DLG5: variants seen among roughly 807,000 people sequenced by gnomAD.
DLG5 encodes the protein disks large homolog 5.
In DLG5, 48 loss-of-function variants were observed where a neutral mutation model predicts 189.8. The ratio of observed to expected loss-of-function variants is 0.25; its 90% CI spans 0.20 to 0.32. The LOEUF (loss-of-function observed/expected upper bound fraction) is 0.32. Among genes scored for constraint, DLG5 ranks in the 10% least tolerant of loss-of-function variants. DLG5 has a pLI of 1.00. For missense variants in DLG5, 2,160 were observed against 2,544.7 expected, an observed-to-expected ratio of 0.85 and a Z score of 3.25; for synonymous variants, 1,016 against 1,054.1, an observed-to-expected ratio of 0.96 and a Z score of 0.70.
rs1326564314 is a variant in DLG5 at position 77,828,988 on chromosome 10, G to A, written c.2186-3C>T. On this transcript the variant is annotated splice_region_variant and splice_polypyrimidine_tract_variant and intron_variant, in intron 12 of 31. Coordinates refer to ENST00000372391, the MANE Select transcript of DLG5 (RefSeq NM_004747.4). ...ATTCTCCAGACTGATGCCACTGTCT[G>A]CAAGCCACAGGAGGTCACTGGGTAG... is the stretch of plus-strand genomic sequence containing the variant. The A allele has an allele frequency of 1.2e-6, 2 of 1,613,098 alleles. No individual in the cohort carries two copies. The highest frequency in any genetic ancestry group is 2.7e-5 in the African/African-American group (2 of 74,924).
At chr10:77,818,292 G>A (rs1842166084) in intron 17 of DLG5, among the ~76,000 whole-genome samples, 1 of 152,184 alleles carries the variant, frequency 6.6e-6, no homozygotes, top group South Asian at 2.1e-4. Flanking sequence ...GCCTCACTCG[G>A]GACAGCGTGC....
chr10:77,904,412 T>C (rs1417089005), intron 1 of DLG5, among the ~76,000 whole-genome samples: 1 of 152,038 alleles, frequency 6.6e-6, no homozygotes, highest in Non-Finnish European at 1.5e-5. Context: ...TGGGAGGGCA[T>C]GATTGGTTTT....
intron 1 of DLG5, among the ~76,000 whole-genome samples, chr10:77,890,593 G>C (rs2004382): frequency 0.27 from 41,824 of 152,106 alleles, 6,407 homozygotes; most frequent in Non-Finnish European, 0.35. Context: ...GAGGCATGCA[G>C]ATCACCTGAG....
At chr10:77,939,342 A>G in the DLG5 span, among the ~76,000 whole-genome samples, 1 of 152,160 alleles carries the variant, frequency 6.6e-6, no homozygotes, top group Non-Finnish European at 1.5e-5. Context: ...CCATGGGCCC[A>G]ATCAGACTCT....
At chr10:77,939,344 T>A in the DLG5 span, among the ~76,000 whole-genome samples, 1 of 152,000 alleles carries the variant, frequency 6.6e-6, no homozygotes, top group Admixed American at 6.5e-5. Context: ...ATGGGCCCAA[T>A]CAGACTCTTG....
At chr10:77,858,235 A>G (rs1347474211) in intron 2 of DLG5, among the ~76,000 whole-genome samples, 3 of 152,234 alleles carry the variant, frequency 2.0e-5, no homozygotes, top group Non-Finnish European at 4.4e-5. Context: ...GTTTCAGTCA[A>G]TGATGGTGGA....
intron 1 of DLG5, among the ~76,000 whole-genome samples, chr10:77,895,152 C>T (rs995929168): frequency 1.3e-5 from 2 of 152,192 alleles, no homozygotes; most frequent in Admixed American, 6.5e-5. Flanking sequence ...AGGCTCACAG[C>T]AGGCACTCAG....
chr10:77,813,599 T>C (rs1841890583), intron 20 of DLG5, among the ~76,000 whole-genome samples: 1 of 152,128 alleles, frequency 6.6e-6, no homozygotes, highest in Non-Finnish European at 1.5e-5. Context: ...TGTTGAGAGC[T>C]GCAGAGCCCT....
intron 2 of DLG5, among the ~76,000 whole-genome samples, chr10:77,861,744 TCC>T (rs1458537136): frequency 1.3e-5 from 2 of 152,180 alleles, no homozygotes; most frequent in African/African-American, 4.8e-5. Flanking sequence ...AAAATGGGAT[TCC>T]CATGCACACT....
rs1840950720 is a variant in DLG5 at position 77,796,864 on chromosome 10, G to A, written c.5165-270C>T. Reference sequence around the variant, plus strand: ...TCCTTCTGCTCTGATTTTTCCTCGTGGGTCGACGCCTGCTTCCCCTGCCCC... The same window carrying A: ...TCCTTCTGCTCTGATTTTTCCTCGTAGGTCGACGCCTGCTTCCCCTGCCCC... On this transcript the variant is annotated intron_variant, in intron 27 of 31. Coordinates refer to ENST00000372391, the MANE Select transcript of DLG5 (RefSeq NM_004747.4). This position sits in a 1 kb window ranked among gnomAD's most constrained non-coding sequence, Gnocchi z 5.2. Among the ~76,000 whole-genome samples, 1 of 152,114 alleles carries A rather than the reference G, an allele frequency of 6.6e-6. No individual in the cohort carries two copies. Among genetic ancestry groups the A allele is most frequent in the African/African-American group, 2.4e-5 (1 of 41,402 alleles).
Position 77,908,366 on chromosome 10 carries a change from G to C in DLG5, c.304+17851C>G, listed in dbSNP as rs1846125685. On this transcript the variant is annotated intron_variant, in intron 1 of 31. Transcript: ENST00000372391. ...TCACCTACCCACCTGCGGCCACCGG[G>C]TCCTCCTTCACACATCACAGACCAC... Among the ~76,000 whole-genome samples, 9 of 152,148 alleles carry C rather than the reference G, an allele frequency of 5.9e-5. No individual in the cohort carries two copies. The South Asian group carries it at 1.9e-3, about 32-fold the overall frequency.
intron 27 of DLG5, among the ~76,000 whole-genome samples, chr10:77,804,976 T>G (rs1048132830): frequency 6.6e-6 from 1 of 152,172 alleles, no homozygotes; most frequent in African/African-American, 2.4e-5. Flanking sequence ...CCTTTTCTTT[T>G]TAATTATTTT....
intron 1 of DLG5, among the ~76,000 whole-genome samples, chr10:77,884,997 G>A (rs1021648961): frequency 3.9e-5 from 6 of 152,134 alleles, no homozygotes; most frequent in African/African-American, 1.2e-4. Flanking sequence ...GGTATCCAAC[G>A]CTCACCTTTG....
In DLG5 at chr10:77,842,505, C is replaced by A. The variant is rs537838619; in HGVS notation, c.1125-312G>T. 1.9e-4 allele frequency among the ~76,000 whole-genome samples: 29 copies of A among 152,296 alleles called. 1 individual carries two copies. In the South Asian group the frequency reaches 5.8e-3, roughly 31 times the overall value. On this transcript the variant is annotated intron_variant, in intron 6 of 31. Transcript: ENST00000372391. Reference sequence around the variant, plus strand: ...ATTTTTTAAAATAATAAAAACAAAACAATGCCAGGATAACAGCATAAAGAG... The same window carrying A: ...ATTTTTTAAAATAATAAAAACAAAAAAATGCCAGGATAACAGCATAAAGAG...
chr10:77,921,529 T>C (rs895276216), intron 1 of DLG5, among the ~76,000 whole-genome samples: 7 of 152,232 alleles, frequency 4.6e-5, no homozygotes, highest in African/African-American at 1.7e-4. Context: ...ATTAAGGTCC[T>C]CCAGATTACC....
intron 1 of DLG5, among the ~76,000 whole-genome samples, chr10:77,915,825 G>A (rs187907219): frequency 2.6e-5 from 4 of 152,266 alleles, no homozygotes; most frequent in East Asian, 1.9e-4. Context: ...CAAAAATAAC[G>A]AACATGCTTC....
At chr10:77,833,296 T>C (rs1258493303) in intron 9 of DLG5, among the ~76,000 whole-genome samples, 1 of 151,842 alleles carries the variant, frequency 6.6e-6, no homozygotes, top group Non-Finnish European at 1.5e-5. Context: ...CAAATGGACG[T>C]CCAAATAACA....
intron 31 of DLG5, chr10:77,793,395 T>A (rs1840738430): frequency 6.5e-6 from 1 of 153,490 alleles, no homozygotes; most frequent in Non-Finnish European, 1.4e-5. Context: ...CCCTGTCCCA[T>A]CCTCTGTGAC....
intron 22 of DLG5, 23 bp downstream of exon 22, chr10:77,811,901 G>A (rs751911069): frequency 1.6e-5 from 26 of 1,592,418 alleles, no homozygotes; most frequent in South Asian, 7.7e-5. Flanking sequence ...CAGCCCAGAC[G>A]GCCCTGGGAG....
Sources: gnomAD v4.1 joint callset for allele counts (sites outside exome capture counted in the v4.1 genomes callset) on GRCh38, gnomAD v4.1.1 for gene constraint, Gnocchi (gnomAD v3.1) non-coding constraint, MANE v1.5 for transcripts, NCBI Gene and HGNC (gene_info 2026-07-23, HGNC 2026-07-21) for gene names.